LRFN2: variants seen among roughly 807,000 people sequenced by gnomAD.
LRFN2 encodes the protein leucine rich repeat and fibronectin type III domain containing 2.
Under a neutral mutation model 37.3 loss-of-function variants are expected in LRFN2, and 18 were observed. The observed-to-expected ratio is 0.48, with a 90% CI of 0.33 to 0.72. The LOEUF is 0.72. Among genes scored for constraint, LRFN2 ranks in the 30% least tolerant of loss-of-function variants. LRFN2 has a pLI of 0.02. For synonymous variants in LRFN2, 556 were observed against 466.6 expected (o/e 1.19, Z -2.47); for missense variants, 1,006 against 1,060.7 (o/e 0.95, Z 0.72).
intron 1 of LRFN2, among the ~76,000 whole-genome samples, chr6:40,541,455 T>A (rs1365731170): frequency 6.6e-6 from 1 of 152,264 alleles, no homozygotes; most frequent in South Asian, 2.1e-4. Context: ...AGGGCTTTGT[T>A]CACCGTAATT....
At chr6:40,577,045 T>C (rs911181657) in intron 1 of LRFN2, among the ~76,000 whole-genome samples, 3 of 150,088 alleles carry the variant, frequency 2.0e-5, no homozygotes, top group Middle Eastern at 6.9e-3. Flanking sequence ...CTGGAGGTCC[T>C]CATTCCCTCT....
At chr6:40,395,837 G>C (rs893494514) in intron 2 of LRFN2, among the ~76,000 whole-genome samples, 3 of 152,114 alleles carry the variant, frequency 2.0e-5, no homozygotes, top group African/African-American at 4.8e-5. Flanking sequence ...TCTGAATCAC[G>C]GCATTCCACC....
At chr6:40,564,180 A>T (rs773465073) in intron 1 of LRFN2, among the ~76,000 whole-genome samples, 8 of 152,156 alleles carry the variant, frequency 5.3e-5, no homozygotes, top group Admixed American at 6.5e-5. Context: ...CCCCTATATT[A>T]GCCATCTGTG....
intron 2 of LRFN2, among the ~76,000 whole-genome samples, chr6:40,406,126 A>G (rs1762840732): frequency 6.6e-6 from 1 of 152,192 alleles, no homozygotes; most frequent in Non-Finnish European, 1.5e-5. Flanking sequence ...CAGTGCTGTC[A>G]CTGACCAGCA....
intron 2 of LRFN2, among the ~76,000 whole-genome samples, chr6:40,428,247 C>T (rs1203786259): frequency 6.6e-6 from 1 of 152,184 alleles, no homozygotes; most frequent in African/African-American, 2.4e-5. Context: ...AGTTGCAAGT[C>T]TTTGCTTCTT....
intron 2 of LRFN2, among the ~76,000 whole-genome samples, chr6:40,410,201 T>C (rs1299189462): frequency 6.6e-6 from 1 of 152,118 alleles, no homozygotes; most frequent in Non-Finnish European, 1.5e-5. Context: ...CATCCTCATG[T>C]CCAGGCTGGA....
At chr6:40,488,766 G>T (rs1765025105) in intron 1 of LRFN2, among the ~76,000 whole-genome samples, 2 of 152,298 alleles carry the variant, frequency 1.3e-5, no homozygotes, top group East Asian at 3.9e-4. Flanking sequence ...CCTCAGGTCT[G>T]GTATGAAGGA....
intron 2 of LRFN2, among the ~76,000 whole-genome samples, chr6:40,429,371 G>A (rs778387489): frequency 2.2e-4 from 34 of 152,152 alleles, no homozygotes; most frequent in Non-Finnish European, 3.5e-4. Flanking sequence ...CACGAACTGC[G>A]TTTCCCTGTG....
chr6:40,449,666 C>T (rs1282231303), intron 1 of LRFN2, among the ~76,000 whole-genome samples: 1 of 152,180 alleles, frequency 6.6e-6, no homozygotes, highest in Non-Finnish European at 1.5e-5. Flanking sequence ...TAGCCCTGAA[C>T]TTCCCACAGT....
chr6:40,486,778 G>T (rs1460342178), intron 1 of LRFN2, among the ~76,000 whole-genome samples: 1 of 152,196 alleles, frequency 6.6e-6, no homozygotes, highest in Non-Finnish European at 1.5e-5. Context: ...GTGTACGAGT[G>T]GGCAGAGAAG....
chr6:40,433,124 C>A lies in LRFN2; in HGVS notation c.-11G>T. The A allele has an allele frequency of 6.6e-7, 1 of 1,516,530 alleles. No individual in the cohort carries two copies. The highest frequency in any genetic ancestry group is 2.3e-5 in the East Asian group (1 of 44,014). 93.9% of individuals were successfully genotyped at this position (1,516,530 alleles called of 1,614,324 possible). A position where few individuals can be genotyped will look rare whatever the true frequency, so the allele number is the denominator to read the frequency against. The stretch of plus-strand genomic sequence containing the variant: ...AAGCAGGGTCTCCATGGTCTGGTCA[C>A]TCAGCGCCTGGAAGGGAGAAACACA... On this transcript the variant is annotated 5_prime_UTR_variant, in exon 2 of 3. Transcript: ENST00000338305.
intron 1 of LRFN2, among the ~76,000 whole-genome samples, chr6:40,513,391 G>A (rs796497240): frequency 2.6e-5 from 4 of 152,070 alleles, no homozygotes; most frequent in Middle Eastern, 3.4e-3. Context: ...ATGCCACCAC[G>A]TCCAGCTAAT....
intron 2 of LRFN2, among the ~76,000 whole-genome samples, chr6:40,414,579 T>C (rs558435808): frequency 6.6e-6 from 1 of 152,380 alleles, no homozygotes; most frequent in Admixed American, 6.5e-5. Flanking sequence ...ACTTTTGACC[T>C]AATTCCATCC....
intron 1 of LRFN2, among the ~76,000 whole-genome samples, chr6:40,453,094 C>T (rs1764150035): frequency 6.6e-6 from 1 of 152,136 alleles, no homozygotes; most frequent in South Asian, 2.1e-4. Context: ...CTTCAGGCTA[C>T]AGAAGGGTCC....
chr6:40,543,184 C>T (rs2436756), intron 1 of LRFN2, among the ~76,000 whole-genome samples: 5,521 of 152,294 alleles, frequency 0.036, 286 homozygotes, highest in African/African-American at 0.1. Context: ...AATGCATGAA[C>T]GCCTTCCGAC....
At chr6:40,493,671 C>A (rs1765150385) in intron 1 of LRFN2, among the ~76,000 whole-genome samples, 1 of 152,358 alleles carries the variant, frequency 6.6e-6, no homozygotes, top group South Asian at 2.1e-4. Flanking sequence ...AGTCTGGTTT[C>A]TGCCCCACTG....
At chr6:40,414,001 A>G (rs188167640) in intron 2 of LRFN2, among the ~76,000 whole-genome samples, 3 of 152,190 alleles carry the variant, frequency 2.0e-5, no homozygotes, top group Admixed American at 6.5e-5. Context: ...TGAAGACATT[A>G]CCTATGACTC....
In LRFN2 at chr6:40,403,456, G is replaced by A. The variant is rs541622442; in HGVS notation, c.1401-10544C>T. On this transcript the variant is annotated intron_variant, in intron 2 of 2. Coordinates refer to ENST00000338305, the MANE Select transcript of LRFN2 (RefSeq NM_020737.3). ...GGGTTGGGGGCTGGCCTCTGTCCCTGTTCTTCTGCCCTTGTGGCTCCTGAG... is the reference window on the plus strand; with the variant it reads ...GGGTTGGGGGCTGGCCTCTGTCCCTATTCTTCTGCCCTTGTGGCTCCTGAG... Among the ~76,000 whole-genome samples the A allele has an allele frequency of 4.6e-5, 7 of 152,254 alleles. No homozygotes were observed. The East Asian group carries it at 1.4e-3, about 30-fold the overall frequency.
intron 1 of LRFN2, among the ~76,000 whole-genome samples, chr6:40,548,803 A>G (rs114560674): frequency 0.032 from 4,832 of 152,294 alleles, 101 homozygotes; most frequent in Admixed American, 0.042. Flanking sequence ...CATCTGCTAG[A>G]GCTGCTATAG....
Sources: gnomAD v4.1 joint callset for allele counts (sites outside exome capture counted in the v4.1 genomes callset) on GRCh38, gnomAD v4.1.1 for gene constraint, MANE v1.5 for transcripts, NCBI Gene and HGNC (gene_info 2026-07-23, HGNC 2026-07-21) for gene names.